UNC80: variants seen among roughly 807,000 people sequenced by gnomAD.
UNC80 encodes the protein protein unc-80 homolog.
A neutral mutation model predicts 384.6 loss-of-function variants in UNC80; 164 were observed. The ratio of observed to expected loss-of-function variants is 0.43; its 90% CI spans 0.38 to 0.49. The LOEUF is 0.49. Among genes scored for constraint, UNC80 ranks in the 20% least tolerant of loss-of-function variants. The pLI is 0.00. For synonymous variants in UNC80, 1,486 were observed against 1,527.8 expected (o/e 0.97, Z 0.64); for missense variants, 3,330 against 4,143.0 (o/e 0.80, Z 5.39).
At chr2:209,916,983 T>C (rs1354307409) in intron 31 of UNC80, among the ~76,000 whole-genome samples, 1 of 152,154 alleles carries the variant, frequency 6.6e-6, no homozygotes, top group African/African-American at 2.4e-5. Context: ...AATCGCAAGC[T>C]AAGAGAAGTT....
chr2:209,827,911 G>C (rs903008232), intron 14 of UNC80, among the ~76,000 whole-genome samples: 1 of 152,062 alleles, frequency 6.6e-6, no homozygotes, highest in Admixed American at 6.6e-5. Context: ...TCATTAGCTG[G>C]TAGTCTCCAA....
intron 61 of UNC80, among the ~76,000 whole-genome samples, chr2:209,985,658 A>G (rs1344057154): frequency 6.6e-6 from 1 of 152,252 alleles, no homozygotes; most frequent in Non-Finnish European, 1.5e-5. Flanking sequence ...CACGTCAAAC[A>G]TTCCTAATCT....
chr2:209,788,434 T>C (rs909493095), intron 5 of UNC80, among the ~76,000 whole-genome samples: 8 of 150,290 alleles, frequency 5.3e-5, no homozygotes, highest in African/African-American at 1.9e-4. Flanking sequence ...AAAAAAAGTT[T>C]TAAAAAAAAG....
chr2:209,959,833 G>T (rs1247997150), intron 51 of UNC80, 126 bp downstream of exon 51: 3 of 863,096 alleles, frequency 3.5e-6, no homozygotes, highest in Non-Finnish European at 3.5e-6. Flanking sequence ...TTTGTTTCCG[G>T]TGACTTAGGT....
chr2:209,955,783 AC>A (rs1248659297), intron 48 of UNC80, among the ~76,000 whole-genome samples: 1 of 134,828 alleles, frequency 7.4e-6, no homozygotes, highest in East Asian at 2.2e-4. Context: ...TCACTCTGTC[AC>A]CCAGGCTGGA....
chr2:209,833,327 G>T (rs1339288201), intron 16 of UNC80, among the ~76,000 whole-genome samples: 1 of 150,486 alleles, frequency 6.6e-6, no homozygotes, highest in East Asian at 1.9e-4. Context: ...TGAGCAGAGA[G>T]AGAGGGGAAA....
intron 55 of UNC80, 27 bp downstream of exon 55, chr2:209,972,351 T>G (rs528995030): frequency 6.8e-5 from 105 of 1,547,578 alleles, no homozygotes; most frequent in Middle Eastern, 1.7e-4. Context: ...TAAAGGAAAT[T>G]TATCATTGTT....
chr2:209,938,134 T>C lies in UNC80; in HGVS notation c.6465+504T>C, dbSNP rs1213589852. Among the ~76,000 whole-genome samples, 4 of 152,296 alleles carry C rather than the reference T, an allele frequency of 2.6e-5. No homozygotes were observed. The East Asian group carries it at 7.7e-4, about 29-fold the overall frequency. On this transcript the variant is annotated intron_variant, in intron 42 of 64. Coordinates refer to ENST00000673920, the MANE Select transcript of UNC80 (RefSeq NM_001371986.1). ...CCTTGGGCATGTTATTAATTTCTCT[T>C]GAAACAGGAAGAGATATAGTCTAGC...
In UNC80 at chr2:209,922,345, G is replaced by A. The variant is rs892598910; in HGVS notation, c.5624G>A (p.Gly1875Glu). The A allele has an allele frequency of 1.9e-6, 3 of 1,551,740 alleles. No individual in the cohort carries two copies. Among genetic ancestry groups the A allele is most frequent in the Non-Finnish European group, 2.6e-6 (3 of 1,146,984 alleles). The change falls in exon 35 of 65, where the codon GGG becomes GAG. Residue 1875 changes from glycine to glutamate, a missense_variant. Around this residue, in one of 8 missense-constraint regions of UNC80, gnomAD observed 1,049 missense variants for 1,488.6 expected, o/e 0.70. Coordinates refer to ENST00000673920, the MANE Select transcript of UNC80 (RefSeq NM_001371986.1). The part of the protein sequence containing the change: ...TSHRNYSFRR[G>E]SVWSVRSAVS... The stretch of plus-strand genomic sequence containing the variant: ...CACAGGAATTATTCCTTCCGCCGCG[G>A]GTCAGTCTGGTCAGTGCGTTCAGCC...
chr2:209,790,832 T>C (rs1172019307), intron 6 of UNC80, among the ~76,000 whole-genome samples: 1 of 152,192 alleles, frequency 6.6e-6, no homozygotes, highest in East Asian at 1.9e-4. Flanking sequence ...ATTAAAAAGC[T>C]GTGCCTAAAT....
In UNC80 at chr2:209,978,703, A is replaced by T. The variant is rs2093075670; in HGVS notation, c.9113A>T (p.Glu3038Val). Residue 3038 changes from glutamate (E) to valine (V), a missense_variant, in exon 59 of 65, where the codon GAG becomes GTG. Glu to Val is a moderately radical substitution (Grantham distance 121, BLOSUM62 -2). Around this residue, in one of 8 missense-constraint regions of UNC80, gnomAD observed 216 missense variants for 245.3 expected, o/e 0.88. Transcript: ENST00000673920. The part of the protein sequence containing the change: ...DTLSRTDEED[E>V]ENDSISMPSV... ...CTGAGTCGGACTGATGAGGAAGATGAGGAAAGTAGGTCATTCCAGAGAATC... is the reference window on the plus strand; with the variant it reads ...CTGAGTCGGACTGATGAGGAAGATGTGGAAAGTAGGTCATTCCAGAGAATC... The T allele has an allele frequency of 6.5e-7, 1 of 1,532,966 alleles. No individual in the cohort carries two copies. Among genetic ancestry groups the T allele is most frequent in the Admixed American group, 2.0e-5 (1 of 50,652 alleles). 95.0% of individuals were successfully genotyped at this position (1,532,966 alleles called of 1,614,324 possible).
chr2:209,812,770 C>G (rs984644220), intron 7 of UNC80, among the ~76,000 whole-genome samples: 2 of 152,150 alleles, frequency 1.3e-5, no homozygotes, highest in Non-Finnish European at 2.9e-5. Flanking sequence ...TTGTGGGACA[C>G]AAACATTCAA....
chr2:209,822,406 C>T (rs1041289584), intron 13 of UNC80, among the ~76,000 whole-genome samples: 4 of 152,086 alleles, frequency 2.6e-5, no homozygotes, highest in Non-Finnish European at 5.9e-5. Context: ...TAGGAATTAA[C>T]AAACAAATAC....
At chr2:209,920,157 G>A (rs1387569048) in intron 33 of UNC80, among the ~76,000 whole-genome samples, 4 of 152,042 alleles carry the variant, frequency 2.6e-5, no homozygotes, top group African/African-American at 4.8e-5. Flanking sequence ...TGACAAGAGC[G>A]AAACTCCATC....
At chr2:209,914,011 G>A (rs2089244359) in intron 31 of UNC80, 71 bp downstream of exon 31, 3 of 1,464,882 alleles carry the variant, frequency 2.0e-6, no homozygotes, top group Non-Finnish European at 1.8e-6. Flanking sequence ...TTAAATAAGA[G>A]AGGTGTTTCC....
Position 209,994,044 on chromosome 2 carries a change from CTG to C in UNC80, c.9509-19_9509-18del. 1 of 1,533,740 alleles carries C rather than the reference CTG, an allele frequency of 6.5e-7. No individual in the cohort carries two copies. Among genetic ancestry groups the C allele is most frequent in the East Asian group, 2.5e-5 (1 of 40,472 alleles). ...TTTCCACCAACTCCTCCCCAATTTACTGTTTCACCTCTACCTGCAGCGGATCA... is the reference window on the plus strand; with the variant it reads ...TTTCCACCAACTCCTCCCCAATTTACTTTCACCTCTACCTGCAGCGGATCA... On this transcript the variant is annotated intron_variant, in intron 63 of 64. Transcript: ENST00000673920.
chr2:209,907,104 A>G (rs1487778667), intron 29 of UNC80, among the ~76,000 whole-genome samples: 3 of 152,174 alleles, frequency 2.0e-5, no homozygotes, highest in Non-Finnish European at 4.4e-5. Context: ...GCAGATGGAC[A>G]CTAAATGTTA....
At chr2:209,773,531 G>T (rs2076696791) in intron 2 of UNC80, among the ~76,000 whole-genome samples, 1 of 152,308 alleles carries the variant, frequency 6.6e-6, no homozygotes, top group East Asian at 1.9e-4. Context: ...GGAAGGGAGG[G>T]AAGGACAGCT....
At chr2:209,906,260 A>C (rs1237122488) in intron 29 of UNC80, among the ~76,000 whole-genome samples, 1 of 151,984 alleles carries the variant, frequency 6.6e-6, no homozygotes, top group African/African-American at 2.4e-5. Context: ...TTTAATTACA[A>C]CTTTTTTATT....
Sources: gnomAD v4.1 joint callset for allele counts (sites outside exome capture counted in the v4.1 genomes callset) on GRCh38, gnomAD v4.1.1 for gene constraint, gnomAD v4.1.1 regional missense constraint, MANE v1.5 for transcripts, NCBI Gene and HGNC (gene_info 2026-07-23, HGNC 2026-07-21) for gene names.